Variants in ALCAM observed in about 807,000 individuals in gnomAD.
The protein encoded by ALCAM is activated leukocyte cell adhesion molecule.
A neutral mutation model predicts 70.9 loss-of-function variants in ALCAM; 30 were observed. The observed-to-expected ratio is 0.42, with a 90% confidence interval of 0.32 to 0.57. ALCAM has a LOEUF of 0.57. ALCAM is among the 20% of genes least tolerant of loss of function. The pLI, the probability that ALCAM is intolerant of heterozygous loss-of-function variation, is 0.11. For synonymous variants in ALCAM, 249 were observed against 242.5 expected (o/e 1.03, Z -0.25); for missense variants, 591 against 695.1 (o/e 0.85, Z 1.68).
At chr3:105,519,465 C>T (rs1044913629) in intron 1 of ALCAM, among the ~76,000 whole-genome samples, 2 of 151,934 alleles carry the variant, frequency 1.3e-5, no homozygotes, top group Non-Finnish European at 2.9e-5. Flanking sequence ...TCTTACTATG[C>T]TAATATTTTA....
At chr3:105,402,961 T>C (rs1395429919) in intron 1 of ALCAM, among the ~76,000 whole-genome samples, 4 of 71,936 alleles carry the variant, frequency 5.6e-5, no homozygotes, top group African/African-American at 1.8e-4. Context: ...TTTTTTTTTT[T>C]CTTAAATGGA....
intron 14 of ALCAM, 113 bp downstream of exon 14, chr3:105,552,698 G>A (rs1364954226): frequency 1.9e-6 from 3 of 1,559,564 alleles, no homozygotes; most frequent in African/African-American, 2.7e-5. Flanking sequence ...TAAGGAAGAT[G>A]TATCCCCAAA....
chr3:105,471,130 C>G (rs1426785901), intron 1 of ALCAM, among the ~76,000 whole-genome samples: 1 of 151,304 alleles, frequency 6.6e-6, no homozygotes, highest in Non-Finnish European at 1.5e-5. Context: ...TGTAGGTCAA[C>G]TTATTGGTTT....
At chr3:105,531,714 C>T (rs1429104832) in intron 3 of ALCAM, among the ~76,000 whole-genome samples, 1 of 151,856 alleles carries the variant, frequency 6.6e-6, no homozygotes, top group Non-Finnish European at 1.5e-5. Context: ...GACATTAGCC[C>T]CTGTTTCACT....
At chr3:105,378,649 A>G (rs1270709665) in intron 1 of ALCAM, among the ~76,000 whole-genome samples, 1 of 150,082 alleles carries the variant, frequency 6.7e-6, no homozygotes, top group Non-Finnish European at 1.5e-5. Context: ...TTTTTTTGAG[A>G]AATGCTTGTT....
At chr3:105,498,117 C>A (rs540343254) in intron 1 of ALCAM, among the ~76,000 whole-genome samples, 1 of 151,598 alleles carries the variant, frequency 6.6e-6, no homozygotes, top group Non-Finnish European at 1.5e-5. Context: ...CATTCATTAT[C>A]GACTTAATGC....
chr3:105,425,768 T>A (rs1473242265), intron 1 of ALCAM, among the ~76,000 whole-genome samples: 1 of 151,366 alleles, frequency 6.6e-6, no homozygotes, highest in African/African-American at 2.4e-5. Context: ...TAATTTTTTT[T>A]TTTTTTACTT....
chr3:105,419,590 C>T (rs1020682146), intron 1 of ALCAM, among the ~76,000 whole-genome samples: 1 of 151,542 alleles, frequency 6.6e-6, no homozygotes, highest in African/African-American at 2.4e-5. Context: ...AGTCCAGGGA[C>T]AAAGAAGGAA....
chr3:105,478,862 T>G (rs771741830), intron 1 of ALCAM, among the ~76,000 whole-genome samples: 52 of 152,136 alleles, frequency 3.4e-4, no homozygotes, highest in Non-Finnish European at 6.5e-4. Flanking sequence ...AATGATGATT[T>G]AGAGTTCTCT....
chr3:105,512,579 C>T (rs1440709066), intron 1 of ALCAM, among the ~76,000 whole-genome samples: 1 of 151,752 alleles, frequency 6.6e-6, no homozygotes, highest in East Asian at 1.9e-4. Context: ...CATTACTTAG[C>T]CTGAATTAAT....
intron 1 of ALCAM, among the ~76,000 whole-genome samples, chr3:105,504,305 A>G (rs1406457308): frequency 6.6e-6 from 1 of 152,186 alleles, no homozygotes; most frequent in Non-Finnish European, 1.5e-5. Context: ...GGCTTGTGTT[A>G]ACCAGCTTAA....
chr3:105,511,932 C>G (rs893284428), intron 1 of ALCAM, among the ~76,000 whole-genome samples: 2 of 151,910 alleles, frequency 1.3e-5, no homozygotes, highest in African/African-American at 4.8e-5. Context: ...TTCACTACCT[C>G]AATTATAACA....
At position 105,550,145 on chromosome 3, in the gene ALCAM, A is replaced by G; in HGVS notation, c.1393A>G (p.Ile465Val). The G allele has an allele frequency of 6.3e-7, 1 of 1,594,800 alleles. No homozygotes were observed. Among genetic ancestry groups the G allele is most frequent in the African/African-American group, 1.3e-5 (1 of 74,176 alleles). Reference sequence around the variant, plus strand: ...TTTCCAGACAGAGGAATCTCCTTATATTAATGGCAGGTATTATAGTAAAAT... The same window carrying G: ...TTTCCAGACAGAGGAATCTCCTTATGTTAATGGCAGGTATTATAGTAAAAT... ...VINQTEESPY[I>V]NGRYYSKIII... The change falls in exon 12 of 16, where the codon ATT becomes GTT. Residue 465 changes from isoleucine (I) to valine (V), a missense_variant. Ile to Val is a conservative substitution (Grantham distance 29). Transcript: ENST00000306107.
In ALCAM at chr3:105,532,040, T is replaced by C. The variant is rs530196302; in HGVS notation, c.433T>C (p.Phe145Leu). The change falls in exon 4 of 16, where the codon TTT becomes CTT. Residue 145 changes from phenylalanine (F) to leucine (L), a missense_variant. Physicochemically the swap from Phe to Leu is conservative, Grantham distance 22. Transcript: ENST00000306107. ...SKPEIVSKALFLETEQLKKLG... is the reference protein window; with the variant it reads ...SKPEIVSKALLLETEQLKKLG... ...ACCTGAAATTGTAAGCAAAGCACTGTTTCTCGAAACAGAGCAGCTAAAAAA... is the reference window on the plus strand; with the variant it reads ...ACCTGAAATTGTAAGCAAAGCACTGCTTCTCGAAACAGAGCAGCTAAAAAA... The C allele has an allele frequency of 1.9e-6, 3 of 1,613,516 alleles. No homozygotes were observed. The South Asian group carries it at 3.3e-5, about 18-fold the overall frequency.
chr3:105,557,074 C>T (rs1040526178), intron 14 of ALCAM, among the ~76,000 whole-genome samples: 1 of 151,900 alleles, frequency 6.6e-6, no homozygotes, highest in African/African-American at 2.4e-5. Flanking sequence ...GCTGCCTTAC[C>T]AGGCCTTTTT....
chr3:105,444,035 T>C (rs1937240039), intron 1 of ALCAM, among the ~76,000 whole-genome samples: 1 of 152,220 alleles, frequency 6.6e-6, no homozygotes, highest in Non-Finnish European at 1.5e-5. Flanking sequence ...TCTAATTTCT[T>C]AAAGGGCTCT....
chr3:105,530,349 T>C (rs1222133523), intron 3 of ALCAM, among the ~76,000 whole-genome samples: 2 of 152,048 alleles, frequency 1.3e-5, no homozygotes, highest in Non-Finnish European at 2.9e-5. Flanking sequence ...ATAGTGATAA[T>C]GTCAAGGTTT....
chr3:105,571,770 C>T lies in ALCAM; in HGVS notation c.1665-82C>T, dbSNP rs899974166. The T allele has an allele frequency of 2.5e-5, 27 of 1,076,972 alleles. No individual in the cohort carries two copies. The Admixed American group carries it at 4.0e-4, about 16-fold the overall frequency. 66.7% of individuals were successfully genotyped at this position (1,076,972 alleles called of 1,614,324 possible). On this transcript the variant is annotated intron_variant, in intron 14 of 15. Transcript: ENST00000306107. ...GTAAAACATTTGCTTTTCAAAGACA[C>T]ATTAATTCAAATCTTAAAATTAAAT...
At chr3:105,440,158 A>G (rs1469410740) in intron 1 of ALCAM, among the ~76,000 whole-genome samples, 2 of 152,180 alleles carry the variant, frequency 1.3e-5, no homozygotes, top group Non-Finnish European at 2.9e-5. Flanking sequence ...GAAAAAACCA[A>G]GTCATAACTA....
Sources: gnomAD v4.1 joint callset for allele counts (sites outside exome capture counted in the v4.1 genomes callset) on GRCh38, gnomAD v4.1.1 for gene constraint, MANE v1.5 for transcripts, NCBI Gene and HGNC (gene_info 2026-07-23, HGNC 2026-07-21) for gene names.